The following TRAPPC8 variants were observed in gnomAD, a reference collection of about 807,000 sequenced individuals.
The protein encoded by TRAPPC8 is general sporulation gene 1 homolog.
Under a neutral mutation model 174.3 loss-of-function variants are expected in TRAPPC8, and 54 were observed. The ratio of observed to expected loss-of-function variants is 0.31; its 90% CI spans 0.25 to 0.39. The LOEUF (loss-of-function observed/expected upper bound fraction) is 0.39. TRAPPC8 is among the 10% of genes least tolerant of loss of function. TRAPPC8 has a pLI of 1.00. For missense variants in TRAPPC8, 1,531 were observed against 1,699.1 expected, an observed-to-expected ratio of 0.90 and a Z score of 1.74; for synonymous variants, 630 against 579.9, an observed-to-expected ratio of 1.09 and a Z score of -1.24.
intron 12 of TRAPPC8, among the ~76,000 whole-genome samples, chr18:31,887,705 A>G (rs2035781846): frequency 6.6e-6 from 1 of 151,970 alleles, no homozygotes; most frequent in Non-Finnish European, 1.5e-5. Context: ...CCAATATCAT[A>G]CTGCATGGAC....
At chr18:31,931,015 CCAAG>C (rs776662872) in intron 2 of TRAPPC8, among the ~76,000 whole-genome samples, 4 of 152,144 alleles carry the variant, frequency 2.6e-5, no homozygotes, top group African/African-American at 9.7e-5. Context: ...CCACTTAACA[CCAAG>C]CAAGATAAAA....
rs71177805 is a variant in TRAPPC8 at position 31,911,756 on chromosome 18, CAAAAAA to C, written c.771+1607_771+1612del. On this transcript the variant is annotated intron_variant, in intron 5 of 28. Coordinates refer to ENST00000283351, the MANE Select transcript of TRAPPC8 (RefSeq NM_014939.5). ...TGGGCGATAGAGTAAGACTCCGTCT[CAAAAAA>C]AAAAAAAAAAAAAAAAAAGAATTTC... Among the ~76,000 whole-genome samples the C allele has an allele frequency of 6.2e-4, 39 of 62,954 alleles. 1 individual carries two copies. Among genetic ancestry groups the C allele is most frequent in the Non-Finnish European group, 5.2e-4 (19 of 36,816 alleles). The allele number at this position is 62,954 out of a possible 152,430, so 41.3% of individuals were successfully genotyped here.
chr18:31,840,963 C>A (rs1394775973), intron 26 of TRAPPC8, among the ~76,000 whole-genome samples: 1 of 151,076 alleles, frequency 6.6e-6, no homozygotes, highest in Non-Finnish European at 1.5e-5. Flanking sequence ...AAGATTATAG[C>A]CTAATCAGTG....
Position 31,830,844 on chromosome 18 carries a change from C to A in TRAPPC8, c.4219G>T (p.Val1407Leu), listed in dbSNP as rs1437349194. The change falls in exon 29 of 29, where the codon GTA (valine) becomes TTA (leucine). Residue 1407 changes from valine (V) to leucine (L), a missense_variant. Physicochemically the swap from Val to Leu is conservative, Grantham distance 32 (BLOSUM62 1). Transcript: ENST00000283351. ...TGVYNLGTPR[V>L]FAKLSDQVTV... is the part of the protein sequence containing the mutation. ...ACTTGGTCCGATAACTTGGCAAATA[C>A]CCTAGGAGTTCCAAGGTTATAAACA... 2 of 1,614,110 alleles carry A rather than the reference C, an allele frequency of 1.2e-6. No homozygotes were observed. Among genetic ancestry groups the A allele is most frequent in the East Asian group, 2.2e-5 (1 of 44,876 alleles).
intron 12 of TRAPPC8, among the ~76,000 whole-genome samples, chr18:31,875,911 G>C (rs746934714): frequency 6.6e-6 from 1 of 152,110 alleles, no homozygotes; most frequent in Non-Finnish European, 1.5e-5. Context: ...CAAAGGCCAG[G>C]GAGAGTGGGT....
At chr18:31,858,128 A>G in intron 19 of TRAPPC8, 146 bp from the exon 20 acceptor site, 1 of 646,228 alleles carries the variant, frequency 1.5e-6, no homozygotes, top group Non-Finnish European at 2.6e-6. Flanking sequence ...AATATGTGGC[A>G]GTTAATGACT....
intron 26 of TRAPPC8, among the ~76,000 whole-genome samples, chr18:31,845,393 A>AT (rs2033345065): frequency 6.6e-6 from 1 of 152,022 alleles, no homozygotes; most frequent in Non-Finnish European, 1.5e-5. Context: ...AACCTTTGAT[A>AT]GCATTTGAAT....
chr18:31,852,965 T>G, intron 22 of TRAPPC8: 1 of 299,044 alleles, frequency 3.3e-6, no homozygotes, highest in Non-Finnish European at 6.2e-6. Flanking sequence ...AAGCCCATAA[T>G]CCTGCCACTC....
At chr18:31,886,093 C>A (rs1175441869) in intron 12 of TRAPPC8, among the ~76,000 whole-genome samples, 1 of 151,098 alleles carries the variant, frequency 6.6e-6, no homozygotes, top group African/African-American at 2.4e-5. Flanking sequence ...GCAACCTCCA[C>A]CTCCCGGGTT....
chr18:31,909,070 C>A, intron 6 of TRAPPC8, 60 bp from the exon 7 acceptor site: 1 of 1,432,860 alleles, frequency 7.0e-7, no homozygotes, highest in Non-Finnish European at 9.3e-7. Flanking sequence ...AGTGCTAATA[C>A]TACCATACTG....
At chr18:31,906,452 A>G (rs1267248440) in intron 9 of TRAPPC8, among the ~76,000 whole-genome samples, 1 of 152,174 alleles carries the variant, frequency 6.6e-6, no homozygotes, top group Non-Finnish European at 1.5e-5. Context: ...ATGCAAAACA[A>G]ATGCCAGTTA....
At chr18:31,856,648 C>G (rs1326188770) in intron 20 of TRAPPC8, among the ~76,000 whole-genome samples, 1 of 152,096 alleles carries the variant, frequency 6.6e-6, no homozygotes, top group Non-Finnish European at 1.5e-5. Context: ...TTCCTCTTTA[C>G]TTCTTTTACA....
In TRAPPC8 at chr18:31,830,213, CA is replaced by C. The variant is rs1380960183; in HGVS notation, c.*541del. On this transcript the variant is annotated 3_prime_UTR_variant, in exon 29 of 29. Transcript: ENST00000283351. ...CAGAAAAAATTTTTTTTTCTTTTTACAAAGTTATGTATAAGTCATAGGGACC... is the reference window on the plus strand; with the variant it reads ...CAGAAAAAATTTTTTTTTCTTTTTACAAGTTATGTATAAGTCATAGGGACC... 1 of 152,258 alleles carries C rather than the reference CA, an allele frequency of 6.6e-6. No individual in the cohort carries two copies. Among genetic ancestry groups the C allele is most frequent in the Non-Finnish European group, 1.5e-5 (1 of 67,974 alleles). The allele number at this position is 152,258 out of a possible 1,614,324, so 9.4% of individuals were successfully genotyped here.
chr18:31,892,177 A>G (rs1486188628), intron 11 of TRAPPC8, among the ~76,000 whole-genome samples: 2 of 152,192 alleles, frequency 1.3e-5, no homozygotes, highest in Non-Finnish European at 2.9e-5. Flanking sequence ...AAAAGTGAAC[A>G]TCTTTCCTAG....
chr18:31,880,532 GC>G (rs1341212634), intron 12 of TRAPPC8, among the ~76,000 whole-genome samples: 2 of 151,922 alleles, frequency 1.3e-5, no homozygotes, highest in Non-Finnish European at 2.9e-5. Context: ...CAAACTCACA[GC>G]CAAAATCATA....
chr18:31,869,388 A>G (rs908534030), intron 16 of TRAPPC8, among the ~76,000 whole-genome samples: 4 of 152,246 alleles, frequency 2.6e-5, no homozygotes, highest in Non-Finnish European at 5.9e-5. Flanking sequence ...TTTTAAGTTA[A>G]TACTGCTTAC....
intron 18 of TRAPPC8, among the ~76,000 whole-genome samples, chr18:31,865,170 A>G (rs1317975230): frequency 1.3e-5 from 2 of 152,086 alleles, no homozygotes; most frequent in African/African-American, 2.4e-5. Flanking sequence ...GAAAACAATG[A>G]AAAGGTCAAC....
chr18:31,901,732 G>C (rs1025672730), intron 9 of TRAPPC8, among the ~76,000 whole-genome samples: 3 of 152,212 alleles, frequency 2.0e-5, no homozygotes, highest in Non-Finnish European at 4.4e-5. Flanking sequence ...TAGACCCCAG[G>C]GAGGTCTTCA....
At chr18:31,875,329 T>C (rs931776451) in intron 12 of TRAPPC8, among the ~76,000 whole-genome samples, 8 of 148,932 alleles carry the variant, frequency 5.4e-5, no homozygotes, top group African/African-American at 2.0e-4. Context: ...ATAATATATA[T>C]AGTAGTATAT....
Sources: gnomAD v4.1 joint callset for allele counts (sites outside exome capture counted in the v4.1 genomes callset) on GRCh38, gnomAD v4.1.1 for gene constraint, MANE v1.5 for transcripts, NCBI Gene and HGNC (gene_info 2026-07-23, HGNC 2026-07-21) for gene names.